ZEB1: variants seen among roughly 807,000 people sequenced by gnomAD.
ZEB1 encodes zinc finger E-box binding homeobox 1.
A neutral mutation model predicts 84.9 loss-of-function variants in ZEB1; 21 were observed. That is an observed-to-expected ratio of 0.25 (90% CI 0.18 to 0.36). ZEB1 has a LOEUF of 0.36. Ranked by LOEUF, ZEB1 falls within the 10% of genes least tolerant of loss-of-function variation. The probability of loss-of-function intolerance (pLI) is 1.00; values close to 1 mark genes in which losing one functional copy is unlikely to be tolerated. For missense variants in ZEB1, 1,104 were observed against 1,330.2 expected (o/e 0.83, Z 2.65); for synonymous variants, 420 against 471.1 (o/e 0.89, Z 1.41).
chr10:31,474,549 A>T (rs902101201), intron 2 of ZEB1, among the ~76,000 whole-genome samples: 1 of 152,172 alleles, frequency 6.6e-6, no homozygotes, highest in African/African-American at 2.4e-5. Flanking sequence ...ATCATTAAAA[A>T]GTCAGGAAAC....
At chr10:31,388,698 G>A (rs192164854) in intron 1 of ZEB1, among the ~76,000 whole-genome samples, 1 of 151,978 alleles carries the variant, frequency 6.6e-6, no homozygotes, top group Admixed American at 6.6e-5. Flanking sequence ...AGATTATTGG[G>A]TGTATAGAGA....
At chr10:31,439,909 G>C (rs1361415122) in intron 1 of ZEB1, among the ~76,000 whole-genome samples, 1 of 152,124 alleles carries the variant, frequency 6.6e-6, no homozygotes, top group African/African-American at 2.4e-5. Context: ...TAGATGGTTT[G>C]ACAAGATTCC....
chr10:31,400,874 CT>C (rs1162841005), intron 1 of ZEB1, among the ~76,000 whole-genome samples: 7 of 152,236 alleles, frequency 4.6e-5, no homozygotes, highest in African/African-American at 1.7e-4. Flanking sequence ...TTTTTCTTGA[CT>C]ATATGCATAA....
chr10:31,327,397 C>T (rs2035795304), intron 1 of ZEB1, among the ~76,000 whole-genome samples: 1 of 152,142 alleles, frequency 6.6e-6, no homozygotes, highest in Admixed American at 6.5e-5. Flanking sequence ...AGGTGTGAGC[C>T]ACTGCACCTG....
At chr10:31,506,962 T>C (rs1426399965) in intron 4 of ZEB1, among the ~76,000 whole-genome samples, 1 of 152,160 alleles carries the variant, frequency 6.6e-6, no homozygotes, top group Non-Finnish European at 1.5e-5. Context: ...ATGGTAGATA[T>C]CTTCCTGTCA....
intron 2 of ZEB1, among the ~76,000 whole-genome samples, chr10:31,477,062 A>G (rs1241531737): frequency 6.6e-6 from 1 of 152,032 alleles, no homozygotes; most frequent in Non-Finnish European, 1.5e-5. Flanking sequence ...CCTAGACAGA[A>G]CAGTTGGGCA....
At chr10:31,400,154 AT>A (rs2135463898) in intron 1 of ZEB1, among the ~76,000 whole-genome samples, 1 of 151,604 alleles carries the variant, frequency 6.6e-6, no homozygotes, top group African/African-American at 2.4e-5. Flanking sequence ...TTTTTCATTT[AT>A]TTTTTGCCTT....
At chr10:31,506,024 C>A (rs1615661) in intron 4 of ZEB1, among the ~76,000 whole-genome samples, 140,147 of 152,000 alleles carry the variant, frequency 0.92, 64,802 homozygotes, top group East Asian at 1. Context: ...TCCTTGACCC[C>A]GTGGTTATTC....
In ZEB1 at chr10:31,453,383, A is replaced by G. The variant is rs574229431; in HGVS notation, c.59-7654A>G. ...CCCTATCCTGCTATTCCAAGTCACAATAAATGATGATAGTGAGATTCTTTA... is the reference window on the plus strand; with the variant it reads ...CCCTATCCTGCTATTCCAAGTCACAGTAAATGATGATAGTGAGATTCTTTA... On this transcript the variant is annotated intron_variant, in intron 1 of 8. Transcript: ENST00000424869. Among the ~76,000 whole-genome samples the G allele has an allele frequency of 3.9e-5, 6 of 152,272 alleles. No individual in the cohort carries two copies. The South Asian group carries it at 6.2e-4, about 16-fold the overall frequency.
chr10:31,361,320 G>A, intron 1 of ZEB1: 1 of 1,131,098 alleles, frequency 8.8e-7, no homozygotes, highest in Non-Finnish European at 1.3e-6. Context: ...AGCCTCCTGA[G>A]TAGCTGGGAC....
chr10:31,524,902 A>G (rs1232575426), intron 8 of ZEB1, among the ~76,000 whole-genome samples: 1 of 152,190 alleles, frequency 6.6e-6, no homozygotes, highest in African/African-American at 2.4e-5. Flanking sequence ...GAAGATTCTA[A>G]GATCCTGTAA....
intron 1 of ZEB1, among the ~76,000 whole-genome samples, chr10:31,351,052 C>T (rs764353885): frequency 5.3e-5 from 8 of 152,156 alleles, no homozygotes; most frequent in Non-Finnish European, 8.8e-5. Flanking sequence ...TTGTAAAAGG[C>T]TCCTTTGCAG....
intron 1 of ZEB1, among the ~76,000 whole-genome samples, chr10:31,337,027 G>C (rs962648712): frequency 1.3e-5 from 2 of 151,912 alleles, no homozygotes; most frequent in Non-Finnish European, 2.9e-5. Flanking sequence ...ATACAGTACT[G>C]ATCACAATAA....
intron 7 of ZEB1, among the ~76,000 whole-genome samples, chr10:31,523,532 T>A (rs747114157): frequency 6.6e-6 from 1 of 152,244 alleles, no homozygotes; most frequent in Non-Finnish European, 1.5e-5. Flanking sequence ...AAGATGCAGT[T>A]AGTAATGAGC....
chr10:31,340,338 A>G (rs2039110960), intron 1 of ZEB1, among the ~76,000 whole-genome samples: 1 of 152,184 alleles, frequency 6.6e-6, no homozygotes, highest in Admixed American at 6.5e-5. Context: ...TTACTTTTTT[A>G]GGACAGACTT....
chr10:31,334,481 T>G (rs1195321686), intron 1 of ZEB1, among the ~76,000 whole-genome samples: 2 of 152,104 alleles, frequency 1.3e-5, no homozygotes. Flanking sequence ...TTATAGATTT[T>G]AATGCTTATA....
intron 2 of ZEB1, among the ~76,000 whole-genome samples, chr10:31,478,174 C>G (rs1203041100): frequency 1.3e-5 from 2 of 151,764 alleles, no homozygotes; most frequent in African/African-American, 4.8e-5. Context: ...GAAAAACAAC[C>G]CCATTAAATA....
intron 1 of ZEB1, among the ~76,000 whole-genome samples, chr10:31,370,894 A>T (rs1028767177): frequency 6.6e-6 from 1 of 152,070 alleles, no homozygotes; most frequent in Admixed American, 6.6e-5. Flanking sequence ...TTTTAAAAAA[A>T]TTTTTGCGGA....
At chr10:31,465,835 G>T (rs1591561735) in intron 2 of ZEB1, among the ~76,000 whole-genome samples, 1 of 151,882 alleles carries the variant, frequency 6.6e-6, no homozygotes, top group Admixed American at 6.6e-5. Flanking sequence ...TGTTGCTCAG[G>T]CTTTAAATGC....
Sources: allele counts gnomAD v4.1 joint callset (sites outside exome capture counted in the v4.1 genomes callset), GRCh38; gene constraint gnomAD v4.1.1; transcripts MANE v1.5; gene names NCBI Gene and HGNC (gene_info 2026-07-23, HGNC 2026-07-21).